The following CORIN variants were observed in gnomAD, a reference collection of about 807,000 sequenced individuals.
CORIN encodes corin, serine peptidase.
In CORIN, 117 loss-of-function variants were observed where a neutral mutation model predicts 125.3. The ratio of observed to expected loss-of-function variants is 0.93; its 90% confidence interval spans 0.80 to 1.09. The LOEUF is 1.09. Among genes scored for constraint, CORIN ranks in the 50% least tolerant of loss-of-function variants. The pLI, the probability that CORIN is intolerant of heterozygous loss-of-function variation, is 0.00. For synonymous variants in CORIN, 450 were observed against 466.4 expected, an observed-to-expected ratio of 0.96 and a Z score of 0.45; for missense variants, 1,253 against 1,306.7, an observed-to-expected ratio of 0.96 and a Z score of 0.63.
intron 19 of CORIN, among the ~76,000 whole-genome samples, chr4:47,612,482 T>C (rs1157882963): frequency 1.3e-5 from 2 of 152,218 alleles, no homozygotes; most frequent in African/African-American, 4.8e-5. Flanking sequence ...CTCATTAGTA[T>C]ACAATCTCAA....
chr4:47,700,151 T>C (rs1257959007), intron 5 of CORIN, among the ~76,000 whole-genome samples: 1 of 152,232 alleles, frequency 6.6e-6, no homozygotes, highest in African/African-American at 2.4e-5. Context: ...CCCTTAAGAT[T>C]TTCTGTTCAG....
At chr4:47,781,681 C>G (rs568129752) in intron 3 of CORIN, among the ~76,000 whole-genome samples, 1 of 152,160 alleles carries the variant, frequency 6.6e-6, no homozygotes, top group Admixed American at 6.5e-5. Flanking sequence ...GGTGGCTGGG[C>G]GCAGTGGCTA....
chr4:47,595,595 G>C lies in CORIN; in HGVS notation c.*126C>G. 1 of 608,292 alleles carries C rather than the reference G, an allele frequency of 1.6e-6. No individual in the cohort carries two copies. Among genetic ancestry groups the C allele is most frequent in the Non-Finnish European group, 2.7e-6 (1 of 368,144 alleles). The allele number at this position is 608,292 out of a possible 1,614,324, so 37.7% of individuals were successfully genotyped here. On this transcript the variant is annotated 3_prime_UTR_variant, in exon 22 of 22. Coordinates refer to ENST00000273857, the MANE Select transcript of CORIN (RefSeq NM_006587.4). Reference sequence around the variant, plus strand: ...TCCAAAACAAACATGCAAATTTGCAGTGCACGATTGAGCATTTCTGTCCAT... The same window carrying C: ...TCCAAAACAAACATGCAAATTTGCACTGCACGATTGAGCATTTCTGTCCAT...
intron 5 of CORIN, among the ~76,000 whole-genome samples, chr4:47,703,623 G>T (rs753834976): frequency 6.6e-6 from 1 of 152,164 alleles, no homozygotes; most frequent in Admixed American, 6.5e-5. Context: ...CTTTGGGATC[G>T]TCTCTGAGTA....
chr4:47,727,778 A>G (rs1308878316), intron 5 of CORIN, among the ~76,000 whole-genome samples: 19 of 152,178 alleles, frequency 1.2e-4, no homozygotes, highest in Admixed American at 1.2e-3. Context: ...AGGTTTCACT[A>G]GACACATTTA....
intron 2 of CORIN, among the ~76,000 whole-genome samples, chr4:47,806,600 G>A (rs892365712): frequency 7.2e-5 from 11 of 152,086 alleles, no homozygotes; most frequent in African/African-American, 2.2e-4. Context: ...CCTCTCAACT[G>A]TGAGCTCCTA....
chr4:47,770,342 CAAAAATTA>C (rs1194939273), intron 3 of CORIN, among the ~76,000 whole-genome samples: 1 of 151,766 alleles, frequency 6.6e-6, no homozygotes, highest in Non-Finnish European at 1.5e-5. Context: ...ATTACTAAAA[CAAAAATTA>C]AAAAATGAAA....
At chr4:47,743,997 T>C (rs1728539037) in intron 5 of CORIN, among the ~76,000 whole-genome samples, 2 of 152,176 alleles carry the variant, frequency 1.3e-5, no homozygotes, top group Admixed American at 1.3e-4. Context: ...TATATTTTGG[T>C]TCAATCATAT....
intron 5 of CORIN, among the ~76,000 whole-genome samples, chr4:47,715,599 CA>C (rs964460598): frequency 8.9e-5 from 13 of 146,152 alleles, no homozygotes; most frequent in Admixed American, 2.0e-4. Context: ...ACTCTGTCTC[CA>C]AAAAAAAAGG....
intron 6 of CORIN, among the ~76,000 whole-genome samples, chr4:47,689,559 T>TA (rs1475980274): frequency 6.6e-6 from 1 of 152,252 alleles, no homozygotes; most frequent in Admixed American, 6.5e-5. Context: ...TAGTGGTTTT[T>TA]ATGTGTCATA....
intron 1 of CORIN, among the ~76,000 whole-genome samples, chr4:47,816,084 T>C (rs1388345188): frequency 1.3e-5 from 2 of 152,200 alleles, no homozygotes; most frequent in Admixed American, 6.5e-5. Context: ...AGGGAAAGCA[T>C]AGAAGACAAA....
Position 47,715,498 on chromosome 4 carries a change from G to A in CORIN, c.800-22415C>T, listed in dbSNP as rs186577962. Among the ~76,000 whole-genome samples the A allele has an allele frequency of 5.6e-3, 853 of 152,246 alleles. 9 individuals carry two copies. The highest frequency in any genetic ancestry group is 0.02 in the African/African-American group (813 of 41,550). ...CAGATGCCTGTAGTCCCAGCTACTCGGGAGGCTGAGGCCTGAGAATTGCTT... is the reference window on the plus strand; with the variant it reads ...CAGATGCCTGTAGTCCCAGCTACTCAGGAGGCTGAGGCCTGAGAATTGCTT... On this transcript the variant is annotated intron_variant, in intron 5 of 21. Transcript: ENST00000273857.
chr4:47,788,510 G>A (rs1282237654), intron 2 of CORIN, among the ~76,000 whole-genome samples: 1 of 152,156 alleles, frequency 6.6e-6, no homozygotes, highest in Non-Finnish European at 1.5e-5. Flanking sequence ...TAGGTAAAAT[G>A]AAGGAATTCA....
chr4:47,832,162 CGGCCATAAAG>C (rs1733052417), intron 1 of CORIN, among the ~76,000 whole-genome samples: 4 of 152,198 alleles, frequency 2.6e-5, no homozygotes, highest in Non-Finnish European at 5.9e-5. Flanking sequence ...GGAAAATCAT[CGGCCATAAAG>C]CTCATAGGGA....
chr4:47,824,246 T>C (rs1199511111), intron 1 of CORIN, among the ~76,000 whole-genome samples: 1 of 151,382 alleles, frequency 6.6e-6, no homozygotes, highest in Non-Finnish European at 1.5e-5. Context: ...TGTTTCTTAT[T>C]CAAAGAGCAT....
At position 47,757,778 on chromosome 4, in the gene CORIN, C is replaced by G. The variant is rs562016904; in HGVS notation, c.617+5601G>C. Among the ~76,000 whole-genome samples, 307 of 149,520 alleles carry G rather than the reference C, an allele frequency of 2.1e-3. 2 individuals carry two copies. The highest frequency in any genetic ancestry group is 7.2e-3 in the African/African-American group (293 of 40,630). On this transcript the variant is annotated intron_variant, in intron 4 of 21. Transcript: ENST00000273857. Reference sequence around the variant, plus strand: ...CTAAAAGTGCCCTGAAAACTGTAAGCAGCTTAACTAAAAATTTACAGCTAA... The same window carrying G: ...CTAAAAGTGCCCTGAAAACTGTAAGGAGCTTAACTAAAAATTTACAGCTAA...
intron 3 of CORIN, among the ~76,000 whole-genome samples, chr4:47,782,004 G>T (rs541922741): frequency 2.6e-5 from 4 of 151,990 alleles, no homozygotes; most frequent in East Asian, 1.9e-4. Flanking sequence ...TTAATAAAAG[G>T]TTCAATATAA....
At chr4:47,833,177 A>G (rs974744462) in intron 1 of CORIN, among the ~76,000 whole-genome samples, 1 of 152,132 alleles carries the variant, frequency 6.6e-6, no homozygotes, top group African/African-American at 2.4e-5. Context: ...TTACAAAGCT[A>G]CACTAATCAA....
At chr4:47,771,737 A>C (rs1192576952) in intron 3 of CORIN, among the ~76,000 whole-genome samples, 1 of 152,188 alleles carries the variant, frequency 6.6e-6, no homozygotes, top group African/African-American at 2.4e-5. Context: ...AACCAAACCT[A>C]AACACAGTAA....
Sources: allele counts gnomAD v4.1 joint callset (sites outside exome capture counted in the v4.1 genomes callset), GRCh38; gene constraint gnomAD v4.1.1; transcripts MANE v1.5; gene names NCBI Gene and HGNC (gene_info 2026-07-23, HGNC 2026-07-21).